KPNA4: variants seen among roughly 807,000 people sequenced by gnomAD.
KPNA4 encodes the protein karyopherin subunit alpha 4.
In KPNA4, 13 loss-of-function variants were observed where a neutral mutation model predicts 71.3. The ratio of observed to expected loss-of-function variants is 0.18; its 90% CI spans 0.12 to 0.29. The LOEUF (loss-of-function observed/expected upper bound fraction) is 0.29, where lower values mean the gene tolerates loss of function less well. Ranked by LOEUF, KPNA4 falls within the 10% of genes least tolerant of loss-of-function variation. KPNA4 has a pLI of 1.00. For synonymous variants in KPNA4, 189 were observed against 195.2 expected (o/e 0.97, Z 0.26); for missense variants, 334 against 603.2 (o/e 0.55, Z 4.67).
rs1553786115 is a variant in KPNA4 at position 160,525,908 on chromosome 3, C to T, written c.726+30G>A. On this transcript the variant is annotated intron_variant, in intron 9 of 16. Coordinates refer to ENST00000334256, the MANE Select transcript of KPNA4 (RefSeq NM_002268.5). ...ATAAAAAATATATATATAATGGTAT[C>T]TCTTTTAATTTTTTTTTAAAAGTGT... 2.0e-6 allele frequency: 3 copies of T among 1,535,178 alleles called. No individual in the cohort carries two copies. The East Asian group carries it at 6.9e-5, about 35-fold the overall frequency.
At chr3:160,523,754 G>GGCAGGAGAATCGCTGGAAC (rs1453440866) in intron 10 of KPNA4, among the ~76,000 whole-genome samples, 3 of 152,104 alleles carry the variant, frequency 2.0e-5, no homozygotes, top group African/African-American at 7.2e-5. Context: ...GGGAGGCTGA[G>GGCAGGAGAATCGCTGGAAC]GCAGGAGAAT....
At chr3:160,502,496 G>A (rs902420043) in intron 16 of KPNA4, among the ~76,000 whole-genome samples, 20 of 151,658 alleles carry the variant, frequency 1.3e-4, no homozygotes, top group African/African-American at 4.6e-4. Flanking sequence ...TCAGCCTCCC[G>A]AGTAGCTGGG....
At position 160,565,206 on chromosome 3, in the gene KPNA4, G is replaced by A; in HGVS notation, c.69+8C>T. On this transcript the variant is annotated splice_region_variant and intron_variant, in intron 1 of 16. Transcript: ENST00000334256. Reference sequence around the variant, plus strand: ...CCCCCACCCCTCCGGCGTCGTCCCCGAGTTTACCTCCAAGTCGCGGCCTTT... The same window carrying A: ...CCCCCACCCCTCCGGCGTCGTCCCCAAGTTTACCTCCAAGTCGCGGCCTTT... 2 of 1,602,298 alleles carry A rather than the reference G, an allele frequency of 1.2e-6. No homozygotes were observed. The highest frequency in any genetic ancestry group is 1.7e-6 in the Non-Finnish European group (2 of 1,173,934).
chr3:160,503,110 CAAACA>C (rs10662239), intron 16 of KPNA4, among the ~76,000 whole-genome samples: 7 of 151,008 alleles, frequency 4.6e-5, no homozygotes, highest in African/African-American at 7.3e-5. Context: ...AACTCTGTCT[CAAACA>C]AAACAAAACA....
Position 160,495,574 on chromosome 3 carries a change from T to C in KPNA4, c.*6530A>G, listed in dbSNP as rs1720741439. ...ATATGAGTTCTATAAACATATGTAA[T>C]TTTACCTTAACTAAAAGGTTAGGAT... On this transcript the variant is annotated 3_prime_UTR_variant, in exon 17 of 17. Transcript: ENST00000334256. 2 of 152,008 alleles carry C rather than the reference T, an allele frequency of 1.3e-5. No homozygotes were observed. The highest frequency in any genetic ancestry group is 1.3e-4 in the Admixed American group (2 of 15,238). The allele number at this position is 152,008 out of a possible 1,614,324, so 9.4% of individuals were successfully genotyped here. A position where few individuals can be genotyped will look rare whatever the true frequency, so the allele number is the denominator to read the frequency against.
At chr3:160,520,512 C>T (rs555523706) in intron 11 of KPNA4, among the ~76,000 whole-genome samples, 20 of 151,828 alleles carry the variant, frequency 1.3e-4, no homozygotes, top group African/African-American at 3.6e-4. Context: ...CTGCCCACCT[C>T]GGCCTCCCAA....
At position 160,499,225 on chromosome 3, in the gene KPNA4, C is replaced by G. The variant is rs951458064; in HGVS notation, c.*2879G>C. On this transcript the variant is annotated 3_prime_UTR_variant, in exon 17 of 17. Transcript: ENST00000334256. ...ATGGAAAGTATTATTTCCACCATAA[C>G]ACACAATTACTGAAGTCTTTGAAAA... The G allele has an allele frequency of 6.6e-6, 1 of 152,110 alleles. No individual in the cohort carries two copies. The highest frequency in any genetic ancestry group is 2.4e-5 in the African/African-American group (1 of 41,398). The allele number at this position is 152,110 out of a possible 1,614,324, so 9.4% of individuals were successfully genotyped here.
intron 16 of KPNA4, among the ~76,000 whole-genome samples, chr3:160,503,526 G>GGTT (rs1409282718): frequency 1.3e-5 from 2 of 151,906 alleles, no homozygotes; most frequent in Non-Finnish European, 2.9e-5. Flanking sequence ...TGCTAATAAT[G>GGTT]GTTATTATTA....
At chr3:160,505,141 C>A in intron 15 of KPNA4, 89 bp from the exon 16 acceptor site, 2 of 582,016 alleles carry the variant, frequency 3.4e-6, no homozygotes, top group Non-Finnish European at 5.3e-6. Context: ...AATCCAATTT[C>A]TGAATCGCAA....
chr3:160,499,546 T>C lies in KPNA4; in HGVS notation c.*2558A>G, dbSNP rs1720836643. 6.6e-6 allele frequency: 1 copy of C among 151,824 alleles called. No homozygotes were observed. Among genetic ancestry groups the C allele is most frequent in the African/African-American group, 2.4e-5 (1 of 41,316 alleles). The allele number at this position is 151,824 out of a possible 1,614,324, so 9.4% of individuals were successfully genotyped here. A position where few individuals can be genotyped will look rare whatever the true frequency, so the allele number is the denominator to read the frequency against. The stretch of plus-strand genomic sequence containing the variant: ...TGAACTGTCAACTGTACTGAATCAA[T>C]TTCAGAGACAGAAAAGCCCTTCCCA... On this transcript the variant is annotated 3_prime_UTR_variant, in exon 17 of 17. Coordinates refer to ENST00000334256, the MANE Select transcript of KPNA4 (RefSeq NM_002268.5).
Position 160,498,723 on chromosome 3 carries a change from G to A in KPNA4, c.*3381C>T, listed in dbSNP as rs955028876. Reference sequence around the variant, plus strand: ...GATTTTGCCATATGTGCATAAAAGAGGACCCCCTAGCTTCAGATAAGACTG... The same window carrying A: ...GATTTTGCCATATGTGCATAAAAGAAGACCCCCTAGCTTCAGATAAGACTG... On this transcript the variant is annotated 3_prime_UTR_variant, in exon 17 of 17. Transcript: ENST00000334256. 1.3e-5 allele frequency: 2 copies of A among 152,112 alleles called. No individual in the cohort carries two copies. The highest frequency in any genetic ancestry group is 4.8e-5 in the African/African-American group (2 of 41,400). 9.4% of individuals were successfully genotyped at this position (152,112 alleles called of 1,614,324 possible).
At chr3:160,531,861 T>C (rs1235718573) in intron 5 of KPNA4, among the ~76,000 whole-genome samples, 1 of 152,228 alleles carries the variant, frequency 6.6e-6, no homozygotes, top group African/African-American at 2.4e-5. Context: ...GGCACAGTCT[T>C]GGCTCACTGC....
At chr3:160,553,314 T>G (rs946341889) in intron 1 of KPNA4, among the ~76,000 whole-genome samples, 1 of 152,134 alleles carries the variant, frequency 6.6e-6, no homozygotes, top group Non-Finnish European at 1.5e-5. Context: ...AGCACCTGAC[T>G]CGGGAAAAGC....
At chr3:160,516,819 C>T (rs1341957583) in intron 11 of KPNA4, among the ~76,000 whole-genome samples, 5 of 151,932 alleles carry the variant, frequency 3.3e-5, no homozygotes, top group Non-Finnish European at 7.4e-5. Flanking sequence ...AAAGAAGATA[C>T]CTGCCTAACA....
intron 10 of KPNA4, among the ~76,000 whole-genome samples, chr3:160,525,401 T>C (rs1220118231): frequency 6.6e-6 from 1 of 152,190 alleles, no homozygotes; most frequent in Admixed American, 6.5e-5. Flanking sequence ...TGTGCTTTCA[T>C]TGGCCAAACT....
intron 13 of KPNA4, among the ~76,000 whole-genome samples, chr3:160,512,981 T>A (rs995597571): frequency 6.6e-6 from 1 of 152,112 alleles, no homozygotes; most frequent in Non-Finnish European, 1.5e-5. Flanking sequence ...CTAAAAACCA[T>A]AGGTGAAAGA....
chr3:160,525,400 A>G (rs568567001), intron 10 of KPNA4, among the ~76,000 whole-genome samples: 1 of 152,240 alleles, frequency 6.6e-6, no homozygotes, highest in South Asian at 2.1e-4. Flanking sequence ...GTGTGCTTTC[A>G]TTGGCCAAAC....
At chr3:160,555,778 TA>T (rs1722124572) in intron 1 of KPNA4, among the ~76,000 whole-genome samples, 1 of 152,060 alleles carries the variant, frequency 6.6e-6, no homozygotes, top group East Asian at 1.9e-4. Context: ...ATTCATCAGT[TA>T]ATGGGTATTT....
chr3:160,504,065 C>A (rs1720936260), intron 16 of KPNA4, among the ~76,000 whole-genome samples: 1 of 151,634 alleles, frequency 6.6e-6, no homozygotes, highest in Non-Finnish European at 1.5e-5. Flanking sequence ...GCCTGGGCCC[C>A]GTCTTTAAAA....
Sources: allele counts gnomAD v4.1 joint callset (sites outside exome capture counted in the v4.1 genomes callset), GRCh38; gene constraint gnomAD v4.1.1; transcripts MANE v1.5; gene names NCBI Gene and HGNC (gene_info 2026-07-23, HGNC 2026-07-21).